PCIF1: variants seen among roughly 807,000 people sequenced by gnomAD.
The protein encoded by PCIF1 is phosphorylated CTD interacting factor 1, also known as mRNA (2'-O-methyladenosine-N(6)-)-methyltransferase.
A neutral mutation model predicts 86.9 loss-of-function variants in PCIF1; 12 were observed. That is an observed-to-expected ratio of 0.14 (90% CI 0.09 to 0.22). The LOEUF is 0.22. Among genes scored for constraint, PCIF1 ranks in the 10% least tolerant of loss-of-function variants. PCIF1 has a pLI of 1.00. For missense variants in PCIF1, 701 were observed against 951.1 expected (o/e 0.74, Z 3.46); for synonymous variants, 397 against 372.0 (o/e 1.07, Z -0.77).
intron 2 of PCIF1, among the ~76,000 whole-genome samples, chr20:45,938,303 G>A (rs1324867824): frequency 1.3e-5 from 2 of 152,238 alleles, no homozygotes; most frequent in Non-Finnish European, 2.9e-5. Flanking sequence ...CTGCCATGTA[G>A]TGTAAAATAA....
chr20:45,943,374 C>T lies in PCIF1; in HGVS notation c.856C>T (p.Arg286Cys). ...SRIKFREEAKRLLFKYAEAAR... is the reference protein window; with the variant it reads ...SRIKFREEAKCLLFKYAEAAR... ...AATCAAGTTCCGGGAGGAAGCCAAG[C>T]GCCTGCTCTTTAAATATGCGGAGGC... The change falls in exon 9 of 17, where the codon CGC becomes TGC. Residue 286 changes from arginine to cysteine, a missense_variant. Arg to Cys is a radical substitution (Grantham distance 180). Coordinates refer to ENST00000372409, the MANE Select transcript of PCIF1 (RefSeq NM_022104.4). This position sits in a 1 kb window ranked among gnomAD's most constrained non-coding sequence, Gnocchi z 5.5. The T allele has an allele frequency of 2.5e-6, 4 of 1,614,094 alleles. No individual in the cohort carries two copies. The highest frequency in any genetic ancestry group is 1.3e-5 in the African/African-American group (1 of 75,058).
At position 45,947,660 on chromosome 20, in the gene PCIF1, C is replaced by CACAGCT; in HGVS notation, c.2021_2026dup (p.Ser675_Ser676insTyrSer). On this transcript the variant is annotated inframe_insertion, in exon 17 of 17. Transcript: ENST00000372409. The surrounding 1 kb of genome is among the most constrained non-coding windows in gnomAD (Gnocchi z 5.4). ...TGCCTACCGGCAGTCAGGCCGCAGCCACAGCTCTGGTTCTTCCTCATCGTC... is the reference window on the plus strand; with the variant it reads ...TGCCTACCGGCAGTCAGGCCGCAGCCACAGCTACAGCTCTGGTTCTTCCTCATCGTC... 1 of 1,612,662 alleles carries CACAGCT rather than the reference C, an allele frequency of 6.2e-7. No individual in the cohort carries two copies. The highest frequency in any genetic ancestry group is 8.5e-7 in the Non-Finnish European group (1 of 1,179,868).
At chr20:45,934,995 G>A (rs1278699922) in intron 1 of PCIF1, among the ~76,000 whole-genome samples, 191 bp downstream of exon 1, 1 of 152,014 alleles carries the variant, frequency 6.6e-6, no homozygotes, top group African/African-American at 2.4e-5. Context: ...GGTGGGCCCG[G>A]AGAGCCCCAG....
rs902287394 is a variant in PCIF1 at position 45,947,837 on chromosome 20, C to T, written c.*82C>T. ...GGCCCCTGGGGCCTCAGAGGGACCC[C>T]GGCTGCCACTGACATATGAAGATTA... On this transcript the variant is annotated 3_prime_UTR_variant, in exon 17 of 17. Coordinates refer to ENST00000372409, the MANE Select transcript of PCIF1 (RefSeq NM_022104.4). This position sits in a 1 kb window ranked among gnomAD's most constrained non-coding sequence, Gnocchi z 5.4. 29 of 1,530,856 alleles carry T rather than the reference C, an allele frequency of 1.9e-5. No individual in the cohort carries two copies. The highest frequency in any genetic ancestry group is 1.3e-4 in the Admixed American group (6 of 44,606). 94.8% of individuals were successfully genotyped at this position (1,530,856 alleles called of 1,614,324 possible).
Position 45,939,223 on chromosome 20 carries a change from G to A in PCIF1, c.133G>A (p.Val45Met). Residue 45 changes from valine to methionine, a missense_variant, in exon 4 of 17, where the codon GTG becomes ATG. This residue lies in a region of PCIF1 where 60 missense variants were observed against 58.6 expected (regional missense o/e 1.02). Transcript: ENST00000372409. Reference sequence around the variant, plus strand: ...TCCGTGCCTGTTTGCAGAGGAGCTGGTGCATGCAGGCTGGGAGAAGTGCTG... The same window carrying A: ...TCCGTGCCTGTTTGCAGAGGAGCTGATGCATGCAGGCTGGGAGAAGTGCTG... Reference protein sequence around the residue: ...RLVQDLPEELVHAGWEKCWSR... With the variant: ...RLVQDLPEELMHAGWEKCWSR... 3 of 1,613,950 alleles carry A rather than the reference G, an allele frequency of 1.9e-6. No individual in the cohort carries two copies. The highest frequency in any genetic ancestry group is 1.1e-5 in the South Asian group (1 of 91,088).
In PCIF1 at chr20:45,943,324, C is replaced by A. The variant is rs1384176800; in HGVS notation, c.822-16C>A. 1.9e-6 allele frequency: 3 copies of A among 1,613,976 alleles called. No homozygotes were observed. Among genetic ancestry groups the A allele is most frequent in the Non-Finnish European group, 2.5e-6 (3 of 1,179,844 alleles). On this transcript the variant is annotated splice_polypyrimidine_tract_variant and intron_variant, in intron 8 of 16. Transcript: ENST00000372409. The surrounding 1 kb of genome is among the most constrained non-coding windows in gnomAD (Gnocchi z 5.5). ...ATGTATAGAAGGCCTCTAACTCTGCCCACTCTGAAACGCAGGTTATCCCGA... is the reference window on the plus strand; with the variant it reads ...ATGTATAGAAGGCCTCTAACTCTGCACACTCTGAAACGCAGGTTATCCCGA...
chr20:45,935,871 G>C (rs1332623392), intron 1 of PCIF1, among the ~76,000 whole-genome samples: 2 of 151,774 alleles, frequency 1.3e-5, no homozygotes, highest in African/African-American at 4.8e-5. Context: ...TGCACAGCTG[G>C]CTTTGGAAAT....
In PCIF1 at chr20:45,945,714, A is replaced by T. The variant is rs79267277; in HGVS notation, c.1172A>T (p.Glu391Val). Residue 391 changes from glutamate (E) to valine (V), a missense_variant, in exon 12 of 17, where the codon GAG (glutamate) becomes GTG (valine). Physicochemically the swap from Glu to Val is moderately radical, Grantham distance 121. Coordinates refer to ENST00000372409, the MANE Select transcript of PCIF1 (RefSeq NM_022104.4). ...TCACTGCTCTCCCTGCCCACAGAGG[A>T]GGTGGAGGCCCCTGAGGTGGAGCCC... ...AILKENNISE[E>V]VEAPEVEPRL... 3.7e-6 allele frequency: 6 copies of T among 1,611,866 alleles called. No homozygotes were observed. Among genetic ancestry groups the T allele is most frequent in the Non-Finnish European group, 4.2e-6 (5 of 1,178,662 alleles).
In PCIF1 at chr20:45,940,535, C is replaced by G; in HGVS notation, c.310C>G (p.Pro104Ala). The change falls in exon 5 of 17, where the codon CCC (proline) becomes GCC (alanine). Residue 104 changes from proline (P) to alanine (A), a missense_variant. Physicochemically the swap from Pro to Ala is conservative, Grantham distance 27. This residue lies in a region of PCIF1 where 125 missense variants were observed against 126.8 expected (regional missense o/e 0.99). Coordinates refer to ENST00000372409, the MANE Select transcript of PCIF1 (RefSeq NM_022104.4). ...CCAAGACTCAAGCTTGGTGGAAACT[C>G]CCCCGGCTGAGAACAAGCCCAGAAA... ...LPQDSSLVETPPAENKPRKRQ... is the reference protein window; with the variant it reads ...LPQDSSLVETAPAENKPRKRQ... The G allele has an allele frequency of 6.2e-7, 1 of 1,608,060 alleles. No homozygotes were observed. The highest frequency in any genetic ancestry group is 8.5e-7 in the Non-Finnish European group (1 of 1,177,080).
intron 3 of PCIF1, 31 bp from the exon 4 acceptor site, chr20:45,939,184 G>A: frequency 1.2e-6 from 2 of 1,614,042 alleles, no homozygotes; most frequent in Non-Finnish European, 1.7e-6. Flanking sequence ...GAGCAGTCCT[G>A]ACCCTGGCTG....
rs1171459354 is a variant in PCIF1 at position 45,947,682 on chromosome 20, C to T, written c.2042C>T (p.Ser681Leu). ...AGCCACAGCTCTGGTTCTTCCTCAT[C>T]GTCCTCCTCGGAGGCCAAGGACCGG... ...GRSHSSGSSS[S>L]SSSEAKDRDS... The change falls in exon 17 of 17, where the codon TCG becomes TTG. Residue 681 changes from serine (S) to leucine (L), a missense_variant. Ser to Leu is a moderately radical substitution (Grantham distance 145, BLOSUM62 -2). This residue lies in a region of PCIF1 where 174 missense variants were observed against 206.9 expected (regional missense o/e 0.84). Coordinates refer to ENST00000372409, the MANE Select transcript of PCIF1 (RefSeq NM_022104.4). The surrounding 1 kb of genome is among the most constrained non-coding windows in gnomAD (Gnocchi z 5.4). The T allele has an allele frequency of 3.7e-6, 6 of 1,610,764 alleles. No individual in the cohort carries two copies. Among genetic ancestry groups the T allele is most frequent in the Middle Eastern group, 1.7e-4 (1 of 6,050 alleles).
At position 45,935,324 on chromosome 20, in the gene PCIF1, GC is replaced by G. The variant is rs538907895; in HGVS notation, c.-188+524del. ...ATTGGTACATTGCGGAGATGGTCCC[GC>G]CCCACGTGCCTCCAATCCCGGACTC... On this transcript the variant is annotated intron_variant, in intron 1 of 16. Coordinates refer to ENST00000372409, the MANE Select transcript of PCIF1 (RefSeq NM_022104.4). 5.3e-5 allele frequency among the ~76,000 whole-genome samples: 8 copies of G among 152,302 alleles called. No homozygotes were observed. In the South Asian group the frequency reaches 1.7e-3, roughly 32 times the overall value.
intron 1 of PCIF1, 150 bp downstream of exon 1, chr20:45,934,954 G>A (rs1041087976): frequency 7.3e-5 from 29 of 395,496 alleles, no homozygotes; most frequent in Non-Finnish European, 2.2e-5. Context: ...ACCCGCGGGT[G>A]GGCGGCCGCG....
chr20:45,939,589 C>T (rs530152909), intron 4 of PCIF1, among the ~76,000 whole-genome samples: 7 of 152,380 alleles, frequency 4.6e-5, no homozygotes, highest in Admixed American at 1.3e-4. Context: ...ATGAACAAGG[C>T]AGACTTGCTC....
At chr20:45,941,236 T>C (rs756800880) in intron 7 of PCIF1, 29 bp downstream of exon 7, 100 of 1,563,812 alleles carry the variant, frequency 6.4e-5, no homozygotes, top group Admixed American at 1.9e-4. Context: ...CAGCCTCCTT[T>C]ATTTCCACCC....
In PCIF1 at chr20:45,947,247, G is replaced by A. The variant is rs763106817; in HGVS notation, c.1708-16G>A. On this transcript the variant is annotated splice_polypyrimidine_tract_variant and intron_variant, in intron 15 of 16. Coordinates refer to ENST00000372409, the MANE Select transcript of PCIF1 (RefSeq NM_022104.4). The surrounding 1 kb of genome is among the most constrained non-coding windows in gnomAD (Gnocchi z 5.4). ...GGAGGTAGTCCCTGACATCCACCCT[G>A]TGTCCCCTTCCACAGAGACTGCTTG... 8.7e-6 allele frequency: 14 copies of A among 1,605,970 alleles called. No individual in the cohort carries two copies. The East Asian group carries it at 1.6e-4, about 18-fold the overall frequency.
chr20:45,941,809 A>G (rs1162110595), intron 7 of PCIF1, among the ~76,000 whole-genome samples: 1 of 148,886 alleles, frequency 6.7e-6, no homozygotes. Flanking sequence ...CTGGTCTTGT[A>G]CTCCTGGGCT....
At chr20:45,942,014 C>G (rs1198888523) in intron 7 of PCIF1, among the ~76,000 whole-genome samples, 1 of 140,760 alleles carries the variant, frequency 7.1e-6, no homozygotes, top group Non-Finnish European at 1.5e-5. Context: ...CTCGCTCTGT[C>G]GCCCAGGCTG....
At position 45,943,034 on chromosome 20, in the gene PCIF1, G is replaced by A; in HGVS notation, c.674-63G>A. ...GCTGAATGCGATGCTTCCTATACGT[G>A]CCAAGCTCCAAGTGGGACTGCTTGA... On this transcript the variant is annotated intron_variant, in intron 7 of 16. Transcript: ENST00000372409. The surrounding 1 kb of genome is among the most constrained non-coding windows in gnomAD (Gnocchi z 5.5). The A allele has an allele frequency of 1.4e-5, 21 of 1,534,000 alleles. No homozygotes were observed. The highest frequency in any genetic ancestry group is 1.9e-5 in the Non-Finnish European group (21 of 1,120,632).
Sources: gnomAD v4.1 joint callset for allele counts (sites outside exome capture counted in the v4.1 genomes callset) on GRCh38, gnomAD v4.1.1 for gene constraint, gnomAD v4.1.1 regional missense constraint, Gnocchi (gnomAD v3.1) non-coding constraint, MANE v1.5 for transcripts, NCBI Gene and HGNC (gene_info 2026-07-23, HGNC 2026-07-21) for gene names.